KDM5B: variants seen among roughly 807,000 people sequenced by gnomAD.
KDM5B encodes the protein lysine-specific demethylase 5B.
KDM5B carries 144 observed loss-of-function variants against 193.4 expected under a neutral mutation model. The observed-to-expected ratio is 0.74, with a 90% CI of 0.65 to 0.86. The LOEUF is 0.86. Among genes scored for constraint, KDM5B ranks in the 40% least tolerant of loss-of-function variants. The pLI, the probability that KDM5B is intolerant of heterozygous loss-of-function variation, is 0.00. For synonymous variants in KDM5B, 668 were observed against 682.6 expected (o/e 0.98, Z 0.33); for missense variants, 1,833 against 1,886.9 (o/e 0.97, Z 0.53).
At chr1:202,778,592 T>C (rs886297138) in intron 1 of KDM5B, among the ~76,000 whole-genome samples, 2 of 152,200 alleles carry the variant, frequency 1.3e-5, no homozygotes, top group African/African-American at 4.8e-5. Context: ...AAATGTACCC[T>C]GTAGCATAGA....
intron 4 of KDM5B, chr1:202,767,459 G>T: frequency 2.6e-6 from 3 of 1,174,876 alleles, no homozygotes; most frequent in South Asian, 1.2e-5. Flanking sequence ...CAGAGACCGA[G>T]GAAGGATGAA....
chr1:202,783,330 T>C (rs563285502), intron 1 of KDM5B, among the ~76,000 whole-genome samples: 8 of 151,262 alleles, frequency 5.3e-5, no homozygotes, highest in Admixed American at 3.3e-4. Flanking sequence ...ATATTGAGGC[T>C]CTGTCTCTAC....
chr1:202,731,725 G>C, intron 24 of KDM5B, 103 bp downstream of exon 24: 1 of 871,014 alleles, frequency 1.1e-6, no homozygotes, highest in East Asian at 2.5e-5. Flanking sequence ...CTACATTTCA[G>C]CATAAAGTCC....
chr1:202,788,312 T>C (rs1657495537), intron 1 of KDM5B, among the ~76,000 whole-genome samples: 1 of 152,236 alleles, frequency 6.6e-6, no homozygotes, highest in Non-Finnish European at 1.5e-5. Context: ...TGAGAACTTG[T>C]ATTATAACTT....
At chr1:202,804,181 C>T (rs2102353090) in intron 1 of KDM5B, among the ~76,000 whole-genome samples, 1 of 152,192 alleles carries the variant, frequency 6.6e-6, no homozygotes, top group South Asian at 2.1e-4. Flanking sequence ...GGTTGTACAA[C>T]TCTGAAAATA....
chr1:202,790,949 A>C (rs1259090952), intron 1 of KDM5B, among the ~76,000 whole-genome samples: 1 of 152,174 alleles, frequency 6.6e-6, no homozygotes, highest in Non-Finnish European at 1.5e-5. Flanking sequence ...AGTCTCAGAT[A>C]TAGTTATATC....
chr1:202,792,778 G>A (rs1022441601), intron 1 of KDM5B, among the ~76,000 whole-genome samples: 3 of 152,032 alleles, frequency 2.0e-5, no homozygotes, highest in Non-Finnish European at 2.9e-5. Context: ...GGTGGATCAC[G>A]AGGTCAGGAG....
In KDM5B at chr1:202,742,649, G is replaced by T. The variant is rs144222509; in HGVS notation, c.2474+6C>A. The T allele has an allele frequency of 1.0e-3, 1,622 of 1,613,690 alleles. 14 individuals are homozygous for T. In the East Asian group the frequency reaches 0.016, roughly 16 times the overall value. On this transcript the variant is annotated splice_donor_region_variant and intron_variant, in intron 17 of 26. Transcript: ENST00000367265. ...AATCCAAACTCACGCAGTCAGAAGC[G>T]CATACCTAGTTTGCCTTTTGCCATT...
chr1:202,769,335 C>G (rs1295347138), intron 4 of KDM5B, among the ~76,000 whole-genome samples: 1 of 151,054 alleles, frequency 6.6e-6, no homozygotes, highest in East Asian at 2.0e-4. Flanking sequence ...TGCGCCCGGC[C>G]GCCTGGCCTA....
At chr1:202,753,535 T>C (rs896200309) in intron 11 of KDM5B, among the ~76,000 whole-genome samples, 1 of 115,698 alleles carries the variant, frequency 8.6e-6, no homozygotes, top group Admixed American at 1.1e-4. Flanking sequence ...ACATATGTAA[T>C]GCATTTTCCC....
chr1:202,779,851 TAAAG>T (rs1269025826), intron 1 of KDM5B, among the ~76,000 whole-genome samples: 1 of 134,632 alleles, frequency 7.4e-6, no homozygotes, highest in African/African-American at 2.9e-5. Flanking sequence ...AAATAAAAAA[TAAAG>T]GAAGAAAAAA....
intron 1 of KDM5B, among the ~76,000 whole-genome samples, chr1:202,799,025 G>A (rs773299038): frequency 2.0e-5 from 3 of 152,006 alleles, no homozygotes; most frequent in Non-Finnish European, 4.4e-5. Context: ...GTCCCCGGGG[G>A]ACAAGGGGAA....
intron 2 of KDM5B, among the ~76,000 whole-genome samples, chr1:202,775,225 A>G (rs1656889729): frequency 1.3e-5 from 2 of 151,688 alleles, no homozygotes; most frequent in South Asian, 4.2e-4. Context: ...TGAGACAGTA[A>G]GACTCTGTCT....
At chr1:202,790,550 T>C (rs978184294) in intron 1 of KDM5B, among the ~76,000 whole-genome samples, 1 of 151,594 alleles carries the variant, frequency 6.6e-6, no homozygotes, top group Admixed American at 6.6e-5. Flanking sequence ...CAAAACCCCA[T>C]CTCTACTAAA....
rs1658394491 is a variant in KDM5B at position 202,808,228 on chromosome 1, G to A, written c.78C>T (p.Phe26=). ...AGACCGGGCACTCGGGTGGAGGCAGGAACTCGCCCAGCGGGCCCGGGCCCC... is the reference window on the plus strand; with the variant it reads ...AGACCGGGCACTCGGGTGGAGGCAGAAACTCGCCCAGCGGGCCCGGGCCCC... The part of the protein sequence containing the change: ...PLGGPGPLGE[F]LPPPECPVFE... Residue 26 remains phenylalanine, a synonymous_variant, in exon 1 of 27, where the codon TTC becomes TTT. Transcript: ENST00000367265. 8 of 1,612,272 alleles carry A rather than the reference G, an allele frequency of 5.0e-6. No homozygotes were observed. The highest frequency in any genetic ancestry group is 1.1e-5 in the South Asian group (1 of 91,054).
At position 202,767,524 on chromosome 1, in the gene KDM5B, G is replaced by A. The variant is rs1656523125; in HGVS notation, c.577-464C>T. On this transcript the variant is annotated intron_variant, in intron 4 of 26. Transcript: ENST00000367265. ...CACGACCTTGTTCCCCGGTGTGCAA[G>A]GACTGAAAGGATTCCCTCCTTTTTT... 18 of 649,166 alleles carry A rather than the reference G, an allele frequency of 2.8e-5. No homozygotes were observed. The East Asian group carries it at 4.8e-4, about 17-fold the overall frequency. 40.2% of individuals were successfully genotyped at this position (649,166 alleles called of 1,614,324 possible). A position where few individuals can be genotyped will look rare whatever the true frequency, so the allele number is the denominator to read the frequency against.
At chr1:202,789,130 TA>T (rs1377570447) in intron 1 of KDM5B, among the ~76,000 whole-genome samples, 1 of 152,124 alleles carries the variant, frequency 6.6e-6, no homozygotes, top group Non-Finnish European at 1.5e-5. Context: ...GAAGTGAGAC[TA>T]AAAATCAGTT....
intron 1 of KDM5B, among the ~76,000 whole-genome samples, chr1:202,783,725 C>T (rs982881170): frequency 6.6e-6 from 1 of 150,562 alleles, no homozygotes; most frequent in East Asian, 2.0e-4. Context: ...AAAAAAAATA[C>T]AAAAAATTAG....
At chr1:202,733,320 C>G in intron 23 of KDM5B, 81 bp downstream of exon 23, 1 of 1,501,824 alleles carries the variant, frequency 6.7e-7, no homozygotes, top group Non-Finnish European at 9.0e-7. Context: ...AAGGGAATAG[C>G]AACACCAAAG....
Sources: gnomAD v4.1 joint callset for allele counts (sites outside exome capture counted in the v4.1 genomes callset) on GRCh38, gnomAD v4.1.1 for gene constraint, MANE v1.5 for transcripts, NCBI Gene and HGNC (gene_info 2026-07-23, HGNC 2026-07-21) for gene names.